Variants in LRRC37A2 observed in about 807,000 individuals in gnomAD.
The protein encoded by LRRC37A2 is leucine-rich repeat-containing protein 37A2.
A neutral mutation model predicts 68.8 loss-of-function variants in LRRC37A2; 9 were observed. The ratio of observed to expected loss-of-function variants is 0.13; its 90% confidence interval spans 0.08 to 0.23. The LOEUF (loss-of-function observed/expected upper bound fraction) is 0.23, where lower values mean the gene tolerates loss of function less well. Among genes scored for constraint, LRRC37A2 ranks in the 10% least tolerant of loss-of-function variants. The probability of loss-of-function intolerance (pLI) is 1.00; values close to 1 mark genes in which losing one functional copy is unlikely to be tolerated. For synonymous variants in LRRC37A2, 63 were observed against 367.6 expected (o/e 0.17, Z 9.48); for missense variants, 168 against 950.4 (o/e 0.18, Z 10.82).
At chr17:46,807,288 G>A in the LRRC37A2 span, among the ~76,000 whole-genome samples, 2 of 152,206 alleles carry the variant, frequency 1.3e-5, no homozygotes, top group African/African-American at 4.8e-5. Context: ...TTTGATACCA[G>A]CCTGACCAAC....
chr17:46,830,308 A>G, the LRRC37A2 span, among the ~76,000 whole-genome samples: 1 of 152,076 alleles, frequency 6.6e-6, no homozygotes, highest in East Asian at 1.9e-4. Context: ...CTACAGTTCA[A>G]TGGCACAAAC....
the LRRC37A2 span, among the ~76,000 whole-genome samples, chr17:46,801,287 A>G: frequency 6.6e-6 from 1 of 152,192 alleles, no homozygotes; most frequent in African/African-American, 2.4e-5. Context: ...CAACACAGTC[A>G]TATCTGCTGC....
chr17:46,989,792 G>A, the LRRC37A2 span, among the ~76,000 whole-genome samples: 2 of 152,266 alleles, frequency 1.3e-5, no homozygotes, highest in Non-Finnish European at 2.9e-5. Context: ...AGAAGCCCAA[G>A]CTGGCTATTT....
the LRRC37A2 span, among the ~76,000 whole-genome samples, chr17:46,501,075 A>G: frequency 2.6e-5 from 4 of 151,428 alleles, no homozygotes; most frequent in South Asian, 6.2e-4. Flanking sequence ...ATTTTTTTAG[A>G]GACAGAATAT....
chr17:46,505,363 A>AT, the LRRC37A2 span, among the ~76,000 whole-genome samples: 2 of 118,204 alleles, frequency 1.7e-5, 1 homozygote, highest in Admixed American at 1.7e-4. Flanking sequence ...GTCTACAGCC[A>AT]TACCACCCTG....
At chr17:46,710,948 C>A in the LRRC37A2 span, 1 of 1,574,460 alleles carries the variant, frequency 6.4e-7, no homozygotes, top group Non-Finnish European at 8.6e-7. Flanking sequence ...GCTTTAGACT[C>A]CTTTTTCTTA....
At chr17:46,920,910 C>T in the LRRC37A2 span, among the ~76,000 whole-genome samples, 1 of 152,130 alleles carries the variant, frequency 6.6e-6, no homozygotes, top group South Asian at 2.1e-4. Flanking sequence ...GGAAAATAGC[C>T]ATATCCCCAT....
At chr17:46,817,278 G>C in the LRRC37A2 span, among the ~76,000 whole-genome samples, 2 of 152,186 alleles carry the variant, frequency 1.3e-5, no homozygotes, top group Admixed American at 1.3e-4. Context: ...ACCTGCAGGC[G>C]GTACCGCACC....
chr17:46,725,625 G>C, the LRRC37A2 span, among the ~76,000 whole-genome samples: 13 of 152,066 alleles, frequency 8.5e-5, no homozygotes, highest in African/African-American at 2.7e-4. Context: ...CTTTATTTCT[G>C]TACCTAATTA....
At chr17:46,942,993 G>A in the LRRC37A2 span, among the ~76,000 whole-genome samples, 7 of 152,106 alleles carry the variant, frequency 4.6e-5, no homozygotes, top group East Asian at 1.9e-4. Context: ...GAATTCCCTC[G>A]GGAGCTTTAA....
At chr17:46,760,785 A>T in the LRRC37A2 span, among the ~76,000 whole-genome samples, 1 of 152,222 alleles carries the variant, frequency 6.6e-6, no homozygotes, top group Non-Finnish European at 1.5e-5. Flanking sequence ...ACAAGTGGAA[A>T]ATTCCACACC....
the LRRC37A2 span, chr17:46,751,684 T>C: frequency 1.1e-6 from 1 of 889,414 alleles, no homozygotes; most frequent in Non-Finnish European, 1.7e-6. Flanking sequence ...GAGGGTTCAG[T>C]ATTTCCTTTG....
At chr17:46,751,721 G>T in the LRRC37A2 span, 3 of 615,090 alleles carry the variant, frequency 4.9e-6, no homozygotes, top group South Asian at 7.1e-5. Context: ...TTTAAGTTTT[G>T]ATTTTCTTAT....
the LRRC37A2 span, among the ~76,000 whole-genome samples, chr17:46,493,423 A>G: frequency 7.5e-6 from 1 of 132,772 alleles, no homozygotes; most frequent in African/African-American, 3.0e-5. Context: ...CGGCCTCCCA[A>G]AGTGCTGAGA....
the LRRC37A2 span, among the ~76,000 whole-genome samples, chr17:46,473,532 T>G: frequency 0.015 from 139 of 9,356 alleles, 25 homozygotes; most frequent in Non-Finnish European, 0.027. Flanking sequence ...ACACTTTATT[T>G]GTTTTACAAC....
the LRRC37A2 span, among the ~76,000 whole-genome samples, chr17:46,719,183 T>A: frequency 6.6e-6 from 1 of 152,190 alleles, no homozygotes; most frequent in Admixed American, 6.5e-5. The surrounding 1 kb of genome is among the most constrained non-coding windows in gnomAD (Gnocchi z 4.3). Flanking sequence ...AAATTTAAGA[T>A]TTTTCAAAAT....
At chr17:46,851,361 A>C in the LRRC37A2 span, among the ~76,000 whole-genome samples, 17 of 145,376 alleles carry the variant, frequency 1.2e-4, no homozygotes, top group East Asian at 9.1e-4. The surrounding 1 kb of genome is among the most constrained non-coding windows in gnomAD (Gnocchi z 4.3). Flanking sequence ...GCGCGGCGCC[A>C]GGTGAGCGCT....
chr17:46,962,134 T>A, the LRRC37A2 span, among the ~76,000 whole-genome samples: 61 of 152,114 alleles, frequency 4.0e-4, no homozygotes, highest in Admixed American at 4.0e-3. Context: ...GAGACCAGTC[T>A]GGCCAACATG....
At chr17:46,479,743 G>A in the LRRC37A2 span, among the ~76,000 whole-genome samples, 28 of 104,638 alleles carry the variant, frequency 2.7e-4, no homozygotes, top group Non-Finnish European at 5.4e-4. Flanking sequence ...CCCTGACCTC[G>A]TGATCCGCCC....
Sources: allele counts gnomAD v4.1 joint callset (sites outside exome capture counted in the v4.1 genomes callset), GRCh38; gene constraint gnomAD v4.1.1; non-coding constraint Gnocchi (gnomAD v3.1); transcripts MANE v1.5; gene names NCBI Gene and HGNC (gene_info 2026-07-23, HGNC 2026-07-21).